RIMS2: variants seen among roughly 807,000 people sequenced by gnomAD.
The protein encoded by RIMS2 is regulating synaptic membrane exocytosis 2.
A neutral mutation model predicts 174.4 loss-of-function variants in RIMS2; 59 were observed. That is an observed-to-expected ratio of 0.34 (90% CI 0.27 to 0.42). The LOEUF is 0.42. Among genes scored for constraint, RIMS2 ranks in the 10% least tolerant of loss-of-function variants. The pLI, the probability that RIMS2 is intolerant of heterozygous loss-of-function variation, is 1.00. For missense variants in RIMS2, 1,620 were observed against 1,666.3 expected (o/e 0.97, Z 0.48); for synonymous variants, 606 against 572.5 (o/e 1.06, Z -0.84).
chr8:104,073,491 A>C (rs751924537), intron 19 of RIMS2, among the ~76,000 whole-genome samples: 1 of 152,154 alleles, frequency 6.6e-6, no homozygotes, highest in East Asian at 1.9e-4. Context: ...TGTTGTGGCA[A>C]TACTTCTACA....
At chr8:103,552,352 G>T (rs1006817298) in intron 1 of RIMS2, among the ~76,000 whole-genome samples, 1 of 152,166 alleles carries the variant, frequency 6.6e-6, no homozygotes, top group African/African-American at 2.4e-5. Flanking sequence ...ATGGGGAAAG[G>T]ATGCCCTGTT....
At chr8:103,871,975 A>T (rs16870792) in intron 3 of RIMS2, among the ~76,000 whole-genome samples, 25,047 of 152,200 alleles carry the variant, frequency 0.16, 2,185 homozygotes, top group Middle Eastern at 0.26. Flanking sequence ...CATTAGCAGT[A>T]TGGCTACCCA....
chr8:103,770,703 T>C (rs760995441), intron 3 of RIMS2, among the ~76,000 whole-genome samples: 1 of 151,172 alleles, frequency 6.6e-6, no homozygotes, highest in Non-Finnish European at 1.5e-5. Context: ...TTTGTCACCA[T>C]TTAAATTTTT....
At chr8:104,005,269 G>A (rs2154552682) in intron 17 of RIMS2, among the ~76,000 whole-genome samples, 1 of 152,308 alleles carries the variant, frequency 6.6e-6, no homozygotes, top group Non-Finnish European at 1.5e-5. Flanking sequence ...CAAGTGGAAT[G>A]CTTAAGAGAA....
In RIMS2 at chr8:103,822,406, AAACC is replaced by A. The variant is rs144092945; in HGVS notation, c.698+55876_698+55879del. Among the ~76,000 whole-genome samples the A allele has an allele frequency of 7.5e-3, 1,136 of 151,954 alleles. 19 individuals are homozygous for A. The highest frequency in any genetic ancestry group is 7.3e-3 in the Non-Finnish European group (495 of 67,740). On this transcript the variant is annotated intron_variant, in intron 3 of 23. Transcript: ENST00000504942. Reference sequence around the variant, plus strand: ...ACTTGTTAAAGGAGGAAAGATTTTTAAACCAACCAATAATACTGTATGTGTCATA... The same window carrying A: ...ACTTGTTAAAGGAGGAAAGATTTTTAAACCAATAATACTGTATGTGTCATA...
At position 104,093,647 on chromosome 8, in the gene RIMS2, A is replaced by C. The variant is rs2097701547; in HGVS notation, c.3334+79032A>C. 1.3e-6 allele frequency: 2 copies of C among 1,588,494 alleles called. No homozygotes were observed. Among genetic ancestry groups the C allele is most frequent in the Admixed American group, 1.7e-5 (1 of 58,454 alleles). ...CAGGAGGAAACAAGAAAATCAGGTA[A>C]GGGGATTTCAACAACAAACTTCTCT... On this transcript the variant is annotated intron_variant, in intron 19 of 23. Transcript: ENST00000504942.
chr8:103,742,965 G>C (rs540083416), intron 2 of RIMS2, among the ~76,000 whole-genome samples: 1 of 152,104 alleles, frequency 6.6e-6, no homozygotes, highest in Non-Finnish European at 1.5e-5. Context: ...ATAAGATAGC[G>C]TACCATGAAC....
chr8:103,690,219 T>C (rs1008308609), intron 1 of RIMS2, among the ~76,000 whole-genome samples: 2 of 152,110 alleles, frequency 1.3e-5, no homozygotes, highest in African/African-American at 4.8e-5. Context: ...CCACCTCAGC[T>C]TCCTGAAGTT....
chr8:103,549,641 G>A (rs1180289152), intron 1 of RIMS2, among the ~76,000 whole-genome samples: 3 of 152,122 alleles, frequency 2.0e-5, no homozygotes, highest in Admixed American at 6.5e-5. Flanking sequence ...AAATGTAAAT[G>A]GGCTAAATGC....
chr8:104,067,846 G>C (rs1339188812), intron 19 of RIMS2, among the ~76,000 whole-genome samples: 1 of 152,092 alleles, frequency 6.6e-6, no homozygotes, highest in Non-Finnish European at 1.5e-5. Context: ...ATGTCTTTTT[G>C]AAAGAGGCTT....
intron 1 of RIMS2, among the ~76,000 whole-genome samples, chr8:103,671,189 G>A (rs1434626908): frequency 6.7e-6 from 1 of 148,466 alleles, no homozygotes; most frequent in Non-Finnish European, 1.5e-5. Context: ...GGAACAATAT[G>A]GGGGAAACCG....
intron 2 of RIMS2, among the ~76,000 whole-genome samples, chr8:103,698,624 T>C (rs1472134607): frequency 6.6e-6 from 1 of 152,160 alleles, no homozygotes; most frequent in African/African-American, 2.4e-5. Context: ...CTTTTATATA[T>C]TAATGGATTT....
At chr8:103,995,927 G>A (rs1413305611) in intron 17 of RIMS2, among the ~76,000 whole-genome samples, 1 of 151,924 alleles carries the variant, frequency 6.6e-6, no homozygotes, top group Non-Finnish European at 1.5e-5. Flanking sequence ...TAAATCCATT[G>A]AATGTGAAAA....
intron 5 of RIMS2, among the ~76,000 whole-genome samples, chr8:103,911,155 A>T (rs549014393): frequency 5.3e-5 from 8 of 152,030 alleles, no homozygotes; most frequent in Non-Finnish European, 1.0e-4. Context: ...ACTGGAACTT[A>T]TGTTTTGCCT....
At position 104,214,995 on chromosome 8, in the gene RIMS2, T is replaced by C. The variant is rs572324491; in HGVS notation, c.3335-29921T>C. Among the ~76,000 whole-genome samples the C allele has an allele frequency of 2.0e-5, 3 of 152,350 alleles. No homozygotes were observed. In the East Asian group the frequency reaches 5.8e-4, roughly 29 times the overall value. On this transcript the variant is annotated intron_variant, in intron 19 of 23. Transcript: ENST00000504942. ...CTATTTAAAATCTTGCAATTTGTAA[T>C]GCTTTGACAGACCCCTCACTCTTCT...
chr8:103,622,101 T>A (rs1216868068), intron 1 of RIMS2, among the ~76,000 whole-genome samples: 1 of 152,096 alleles, frequency 6.6e-6, no homozygotes, highest in Non-Finnish European at 1.5e-5. Context: ...ATAAAAATTA[T>A]TCACAAAGAA....
At chr8:104,251,558 A>G in intron 23 of RIMS2, 44 bp from the exon 30 acceptor site, 1 of 996,484 alleles carries the variant, frequency 1.0e-6, no homozygotes, top group South Asian at 1.3e-5. Flanking sequence ...TTTTCTATGT[A>G]CACAGTTACA....
At chr8:103,722,235 A>G (rs1207022324) in intron 2 of RIMS2, among the ~76,000 whole-genome samples, 1 of 152,090 alleles carries the variant, frequency 6.6e-6, no homozygotes, top group African/African-American at 2.4e-5. Flanking sequence ...TTAGCCTAGC[A>G]TGGTGGCACA....
At position 104,006,337 on chromosome 8, in the gene RIMS2, G is replaced by A. The variant is rs113479678; in HGVS notation, c.3045-7105G>A. ...GGCCGAGGTGGGCGGATCACCTTGA[G>A]GTCGGGAGTTTGAGACCAGCCTGAC... On this transcript the variant is annotated intron_variant, in intron 17 of 23. Transcript: ENST00000504942. Among the ~76,000 whole-genome samples, 1,036 of 152,192 alleles carry A rather than the reference G, an allele frequency of 6.8e-3. 15 individuals are homozygous for A. Among genetic ancestry groups the A allele is most frequent in the African/African-American group, 0.024 (977 of 41,526 alleles).
Sources: gnomAD v4.1 joint callset for allele counts (sites outside exome capture counted in the v4.1 genomes callset) on GRCh38, gnomAD v4.1.1 for gene constraint, MANE v1.5 for transcripts, NCBI Gene and HGNC (gene_info 2026-07-23, HGNC 2026-07-21) for gene names.